The following ASIC2 variants were observed in gnomAD, a reference collection of about 807,000 sequenced individuals.
ASIC2 encodes the protein acid-sensing ion channel 2.
Under a neutral mutation model 57.3 loss-of-function variants are expected in ASIC2, and 25 were observed. That is an observed-to-expected ratio of 0.44 (90% CI 0.32 to 0.61). The LOEUF is 0.61. Among genes scored for constraint, ASIC2 ranks in the 20% least tolerant of loss-of-function variants. The pLI is 0.06. For missense variants in ASIC2, 641 were observed against 738.1 expected (o/e 0.87, Z 1.52); for synonymous variants, 319 against 307.5 (o/e 1.04, Z -0.39).
Position 33,227,067 on chromosome 17 carries a change from A to C in ASIC2, c.708+64341T>G, listed in dbSNP as rs575275067. ...AGTGGGTGTTTTTTATTTAGAGCAC[A>C]TCTCAGTTAGGATTGGCCACAGTTG... On this transcript the variant is annotated intron_variant, in intron 1 of 9. Transcript: ENST00000225823. 1.5e-4 allele frequency among the ~76,000 whole-genome samples: 23 copies of C among 152,188 alleles called. No individual in the cohort carries two copies. In the South Asian group the frequency reaches 4.6e-3, roughly 30 times the overall value.
intron 1 of ASIC2, among the ~76,000 whole-genome samples, chr17:33,252,439 A>G: frequency 6.6e-6 from 1 of 152,106 alleles, no homozygotes; most frequent in East Asian, 1.9e-4. Context: ...ACCTCTCTGG[A>G]TGTGTTGACA....
intron 1 of ASIC2, among the ~76,000 whole-genome samples, chr17:33,965,140 A>G (rs1905039156): frequency 6.6e-6 from 1 of 152,206 alleles, no homozygotes; most frequent in African/African-American, 2.4e-5. Flanking sequence ...TTGAATGCCT[A>G]TCATATGTCA....
At chr17:34,113,939 A>T (rs1911354091) in intron 1 of ASIC2, among the ~76,000 whole-genome samples, 1 of 152,196 alleles carries the variant, frequency 6.6e-6, no homozygotes, top group South Asian at 2.1e-4. Flanking sequence ...TGCTAGGAAG[A>T]TACAGTTATC....
intron 1 of ASIC2, among the ~76,000 whole-genome samples, chr17:33,847,185 C>T (rs1251243215): frequency 6.6e-6 from 1 of 151,614 alleles, no homozygotes; most frequent in South Asian, 2.1e-4. Context: ...AGGAGCCTTA[C>T]AGGAGAAAGT....
chr17:33,567,611 G>A (rs1473380014), intron 1 of ASIC2, among the ~76,000 whole-genome samples: 1 of 152,150 alleles, frequency 6.6e-6, no homozygotes, highest in Non-Finnish European at 1.5e-5. Flanking sequence ...TCCTGTGGAG[G>A]GAGAGTCAAT....
intron 3 of ASIC2, among the ~76,000 whole-genome samples, chr17:33,045,385 C>T (rs971841702): frequency 1.1e-4 from 17 of 152,264 alleles, no homozygotes; most frequent in Admixed American, 6.5e-4. Context: ...CTGTCAGCGG[C>T]GCCGGAAGCA....
intron 1 of ASIC2, among the ~76,000 whole-genome samples, chr17:33,634,198 C>A (rs577698512): frequency 6.6e-4 from 101 of 152,326 alleles, no homozygotes; most frequent in African/African-American, 2.3e-3. Flanking sequence ...ATATACTGCC[C>A]ACATTCTGAC....
chr17:34,074,741 G>A (rs1328944832), intron 1 of ASIC2, among the ~76,000 whole-genome samples: 7 of 151,468 alleles, frequency 4.6e-5, no homozygotes, highest in Admixed American at 2.0e-4. Context: ...GTGCCTTGCT[G>A]GCCCAAGTAA....
At chr17:33,604,619 T>C (rs528737294) in intron 1 of ASIC2, among the ~76,000 whole-genome samples, 2 of 151,962 alleles carry the variant, frequency 1.3e-5, no homozygotes, top group East Asian at 3.9e-4. Context: ...GTGGAGTGAA[T>C]TGGGTCCTCA....
intron 1 of ASIC2, among the ~76,000 whole-genome samples, chr17:33,924,721 G>C (rs1915788001): frequency 6.6e-6 from 1 of 152,106 alleles, no homozygotes; most frequent in African/African-American, 2.4e-5. Flanking sequence ...GCAAGTGCTG[G>C]TTGGCCATAT....
intron 1 of ASIC2, among the ~76,000 whole-genome samples, chr17:33,613,617 T>A (rs370250490): frequency 1.3e-5 from 2 of 152,260 alleles, no homozygotes; most frequent in African/African-American, 4.8e-5. Flanking sequence ...TCAGCCCACC[T>A]CAGCCTCTCA....
At chr17:34,067,735 A>T (rs538400985) in intron 1 of ASIC2, among the ~76,000 whole-genome samples, 18 of 152,236 alleles carry the variant, frequency 1.2e-4, no homozygotes, top group Non-Finnish European at 4.4e-5. Flanking sequence ...GGATGAGGAA[A>T]TCTTTAAATG....
chr17:33,861,540 T>C (rs1189271999), intron 1 of ASIC2, among the ~76,000 whole-genome samples: 1 of 152,168 alleles, frequency 6.6e-6, no homozygotes, highest in Non-Finnish European at 1.5e-5. Flanking sequence ...GTGTTAGAAG[T>C]ATAGAGAGTA....
intron 3 of ASIC2, among the ~76,000 whole-genome samples, chr17:33,044,290 CCA>C (rs2091942549): frequency 6.6e-6 from 1 of 151,862 alleles, no homozygotes; most frequent in South Asian, 2.1e-4. Context: ...ATCCATCCAT[CCA>C]TCCATCCATC....
intron 1 of ASIC2, among the ~76,000 whole-genome samples, chr17:33,162,548 C>T (rs1481226905): frequency 6.6e-6 from 1 of 152,172 alleles, no homozygotes; most frequent in East Asian, 1.9e-4. Flanking sequence ...CCTGGCTTCA[C>T]CCCACTCCCA....
intron 1 of ASIC2, among the ~76,000 whole-genome samples, chr17:33,357,445 CAGTT>C (rs961471719): frequency 4.7e-4 from 72 of 152,174 alleles, no homozygotes; most frequent in Non-Finnish European, 1.0e-4. Flanking sequence ...AGATCTTAGG[CAGTT>C]AGTTATTTCC....
At chr17:33,714,133 C>T (rs1194925773) in intron 1 of ASIC2, among the ~76,000 whole-genome samples, 2 of 152,036 alleles carry the variant, frequency 1.3e-5, no homozygotes, top group African/African-American at 2.4e-5. Flanking sequence ...CTGCTTCACC[C>T]CACTCCCCAT....
intron 1 of ASIC2, among the ~76,000 whole-genome samples, chr17:33,979,330 G>C (rs1443420373): frequency 6.6e-6 from 1 of 152,148 alleles, no homozygotes; most frequent in Admixed American, 6.5e-5. Context: ...GGGTCATAGA[G>C]ATTCAGAGTC....
At chr17:34,048,872 G>A (rs1908436502) in intron 1 of ASIC2, among the ~76,000 whole-genome samples, 1 of 152,110 alleles carries the variant, frequency 6.6e-6, no homozygotes, top group Admixed American at 6.6e-5. Context: ...GATTGACTTG[G>A]GGGCTCTGCT....
Sources: allele counts gnomAD v4.1 joint callset (sites outside exome capture counted in the v4.1 genomes callset), GRCh38; gene constraint gnomAD v4.1.1; transcripts MANE v1.5; gene names NCBI Gene and HGNC (gene_info 2026-07-23, HGNC 2026-07-21).